The following PDHX variants were observed in gnomAD, a reference collection of about 807,000 sequenced individuals.
The protein encoded by PDHX is pyruvate dehydrogenase protein X component, mitochondrial.
In PDHX, 33 loss-of-function variants were observed where a neutral mutation model predicts 55.3. The ratio of observed to expected loss-of-function variants is 0.60; its 90% CI spans 0.45 to 0.80. The LOEUF (loss-of-function observed/expected upper bound fraction) is 0.80, where lower values mean the gene tolerates loss of function less well. Ranked by LOEUF, PDHX falls within the 30% of genes least tolerant of loss-of-function variation. PDHX has a pLI of 0.00. For synonymous variants in PDHX, 226 were observed against 219.4 expected (o/e 1.03, Z -0.27); for missense variants, 622 against 619.9 (o/e 1.00, Z -0.04).
At position 34,966,759 on chromosome 11, in the gene PDHX, C is replaced by T; in HGVS notation, c.761C>T (p.Ser254Phe). Residue 254 changes from serine (S) to phenylalanine (F), a missense_variant, in exon 6 of 11, where the codon TCT (serine) becomes TTT (phenylalanine). Coordinates refer to ENST00000227868, the MANE Select transcript of PDHX (RefSeq NM_003477.3). The stretch of plus-strand genomic sequence containing the variant: ...CCCCTACAGGCCACAGCTGGACCAT[C>T]TTATCCCCGGCCTGTGATCCCACCA... ...PSPLQATAGP[S>F]YPRPVIPPVS... 1 of 1,614,162 alleles carries T rather than the reference C, an allele frequency of 6.2e-7. No homozygotes were observed. Among genetic ancestry groups the T allele is most frequent in the Non-Finnish European group, 8.5e-7 (1 of 1,180,004 alleles).
intron 7 of PDHX, chr11:34,977,826 C>A: frequency 2.1e-6 from 1 of 485,084 alleles, no homozygotes; most frequent in Non-Finnish European, 4.1e-6. Context: ...TTCTTTTTTT[C>A]TGATTATGCT....
At chr11:34,936,735 T>G (rs566915906) in intron 2 of PDHX, among the ~76,000 whole-genome samples, 1 of 151,600 alleles carries the variant, frequency 6.6e-6, no homozygotes, top group Non-Finnish European at 1.5e-5. Flanking sequence ...AAAGCCAAAA[T>G]AGATCCACAT....
intron 2 of PDHX, among the ~76,000 whole-genome samples, chr11:34,935,449 A>G (rs1854285825): frequency 6.6e-6 from 1 of 152,218 alleles, no homozygotes; most frequent in Non-Finnish European, 1.5e-5. Context: ...GTTAATGTGA[A>G]GGAAGCTGGG....
chr11:34,916,573 G>GGC, upstream of PDHX: 3 of 1,568,772 alleles, frequency 1.9e-6, no homozygotes, highest in Non-Finnish European at 2.6e-6. Flanking sequence ...AGCGTCTGGG[G>GGC]GCGTGGCCAA....
chr11:34,924,365 T>G (rs1323669697), intron 1 of PDHX, among the ~76,000 whole-genome samples: 1 of 152,082 alleles, frequency 6.6e-6, no homozygotes, highest in Admixed American at 6.6e-5. Context: ...GCTGGGACTA[T>G]AGGCATGTGC....
At chr11:34,947,713 T>G in intron 3 of PDHX, 107 bp downstream of exon 3, 1 of 770,924 alleles carries the variant, frequency 1.3e-6, no homozygotes, top group Non-Finnish European at 2.4e-6. Flanking sequence ...TTAATGTGTA[T>G]TGTCTACTAC....
At chr11:34,926,023 A>T (rs1248440334) in intron 1 of PDHX, among the ~76,000 whole-genome samples, 1 of 152,154 alleles carries the variant, frequency 6.6e-6, no homozygotes, top group Non-Finnish European at 1.5e-5. Context: ...GCATGCCAAG[A>T]CCTGTAAATG....
intron 1 of PDHX, among the ~76,000 whole-genome samples, chr11:34,923,875 T>C (rs545849196): frequency 6.6e-6 from 1 of 152,318 alleles, no homozygotes; most frequent in African/African-American, 2.4e-5. Flanking sequence ...CATTTGCCAG[T>C]GATTTTAATG....
chr11:34,963,914 AGTAAT>A (rs1855074493), intron 5 of PDHX, among the ~76,000 whole-genome samples: 2 of 152,226 alleles, frequency 1.3e-5, no homozygotes, highest in Non-Finnish European at 2.9e-5. Context: ...TCATAGTTGT[AGTAAT>A]GTTTGTATTC....
intron 2 of PDHX, among the ~76,000 whole-genome samples, chr11:34,939,128 G>T (rs1229418472): frequency 7.5e-6 from 1 of 132,848 alleles, no homozygotes; most frequent in Non-Finnish European, 1.6e-5. Context: ...GTACATTTAT[G>T]ATAACTTGCT....
At chr11:34,937,137 A>C (rs566828369) in intron 2 of PDHX, among the ~76,000 whole-genome samples, 1 of 152,250 alleles carries the variant, frequency 6.6e-6, no homozygotes, top group Admixed American at 6.5e-5. Flanking sequence ...TTGCGTTGAA[A>C]GGAACAGACC....
chr11:34,989,067 A>G (rs1407407720), intron 9 of PDHX, among the ~76,000 whole-genome samples: 3 of 152,238 alleles, frequency 2.0e-5, no homozygotes, highest in African/African-American at 7.2e-5. Flanking sequence ...GTGTGCTTAC[A>G]CAAACCTAGA....
upstream of PDHX, chr11:34,916,189 C>A (rs1285817035): frequency 1.9e-6 from 3 of 1,597,266 alleles, no homozygotes; most frequent in Non-Finnish European, 2.6e-6. Context: ...CTGGGCCTCT[C>A]CTCCTGGGAA....
intron 7 of PDHX, 92 bp downstream of exon 7, chr11:34,970,378 G>A (rs1855232421): frequency 3.8e-5 from 39 of 1,038,422 alleles, no homozygotes; most frequent in East Asian, 1.8e-4. Flanking sequence ...AAGCTACATT[G>A]TGTAGCTTTT....
chr11:34,932,629 A>G (rs535291121), intron 2 of PDHX, among the ~76,000 whole-genome samples: 6 of 152,334 alleles, frequency 3.9e-5, no homozygotes, highest in African/African-American at 1.4e-4. Flanking sequence ...ACTCTCAGAC[A>G]TTGCTGGAGG....
intron 1 of PDHX, among the ~76,000 whole-genome samples, chr11:34,920,097 G>A (rs1853836954): frequency 6.6e-6 from 1 of 152,208 alleles, no homozygotes; most frequent in Non-Finnish European, 1.5e-5. Context: ...TGAAGGAACA[G>A]CAGAAACAAA....
chr11:34,957,171 A>T (rs1854920595), intron 3 of PDHX, among the ~76,000 whole-genome samples: 1 of 152,230 alleles, frequency 6.6e-6, no homozygotes, highest in African/African-American at 2.4e-5. Flanking sequence ...AGAAGGTAGC[A>T]TTAGCAAGTG....
chr11:34,987,507 G>A (rs956719781), intron 9 of PDHX, among the ~76,000 whole-genome samples: 1 of 152,162 alleles, frequency 6.6e-6, no homozygotes, highest in African/African-American at 2.4e-5. Flanking sequence ...TTATGTGTGT[G>A]TGTGTATGTG....
At chr11:34,918,877 G>C (rs919377636) in intron 1 of PDHX, among the ~76,000 whole-genome samples, 1 of 152,120 alleles carries the variant, frequency 6.6e-6, no homozygotes, top group Non-Finnish European at 1.5e-5. Context: ...AGCAATGGCT[G>C]GTTCAGTCTT....
Sources: allele counts gnomAD v4.1 joint callset (sites outside exome capture counted in the v4.1 genomes callset), GRCh38; gene constraint gnomAD v4.1.1; transcripts MANE v1.5; gene names NCBI Gene and HGNC (gene_info 2026-07-23, HGNC 2026-07-21).